The following SSBP2 variants were observed in gnomAD, a reference collection of about 807,000 sequenced individuals.
SSBP2 encodes the protein single stranded DNA binding protein 2.
Under a neutral mutation model 61.8 loss-of-function variants are expected in SSBP2, and 17 were observed. The ratio of observed to expected loss-of-function variants is 0.28; its 90% CI spans 0.19 to 0.41. The LOEUF (loss-of-function observed/expected upper bound fraction) is 0.41. SSBP2 is among the 10% of genes least tolerant of loss of function. The probability of loss-of-function intolerance (pLI) is 1.00; values close to 1 mark genes in which losing one functional copy is unlikely to be tolerated. For missense variants in SSBP2, 310 were observed against 458.7 expected, an observed-to-expected ratio of 0.68 and a Z score of 2.96; for synonymous variants, 139 against 141.3, an observed-to-expected ratio of 0.98 and a Z score of 0.12.
intron 11 of SSBP2, among the ~76,000 whole-genome samples, chr5:81,448,546 T>G (rs1014358356): frequency 2.0e-5 from 3 of 152,194 alleles, no homozygotes; most frequent in Non-Finnish European, 2.9e-5. Flanking sequence ...CAGAGTGTAT[T>G]GTACTGGTTT....
chr5:81,562,746 T>C (rs1773146081), intron 4 of SSBP2, among the ~76,000 whole-genome samples: 2 of 152,170 alleles, frequency 1.3e-5, no homozygotes, highest in African/African-American at 4.8e-5. Context: ...TTTCCATATA[T>C]GGGCAACGAA....
intron 4 of SSBP2, among the ~76,000 whole-genome samples, chr5:81,612,704 C>T (rs892350851): frequency 2.0e-5 from 3 of 151,922 alleles, no homozygotes; most frequent in Admixed American, 6.6e-5. Flanking sequence ...ACGCTAAAAA[C>T]GCAGCTACTG....
intron 1 of SSBP2, among the ~76,000 whole-genome samples, chr5:81,728,698 A>G (rs424762): frequency 0.35 from 53,518 of 152,130 alleles, 11,598 homozygotes; most frequent in Admixed American, 0.48. Context: ...CAGATTTTGT[A>G]ATAAATTCTG....
intron 3 of SSBP2, among the ~76,000 whole-genome samples, chr5:81,622,206 G>A (rs939755093): frequency 1.3e-5 from 2 of 151,662 alleles, no homozygotes; most frequent in African/African-American, 2.4e-5. Context: ...GACTGGGGGG[G>A]AAAAATTATG....
chr5:81,743,500 A>G (rs1757165169), intron 1 of SSBP2, among the ~76,000 whole-genome samples: 1 of 152,186 alleles, frequency 6.6e-6, no homozygotes, highest in Admixed American at 6.5e-5. Flanking sequence ...TTATTATTAT[A>G]TATTTCTCCT....
At chr5:81,613,587 G>A (rs1453594476) in intron 4 of SSBP2, among the ~76,000 whole-genome samples, 3 of 152,140 alleles carry the variant, frequency 2.0e-5, no homozygotes, top group African/African-American at 7.2e-5. Context: ...TCTACAGAAT[G>A]CAATTTTGGA....
intron 1 of SSBP2, among the ~76,000 whole-genome samples, chr5:81,730,434 A>C (rs947856247): frequency 1.3e-5 from 2 of 152,208 alleles, no homozygotes; most frequent in Non-Finnish European, 2.9e-5. Context: ...CATGTTGGCC[A>C]GGCTGGTCTC....
rs549634685 is a variant in SSBP2, at chr5:81,432,795, G to A, written c.958-4112C>T. ...CCCCGCCCGGCCAGCTGCCCCGTCC[G>A]GGAGGGAGGTGGGGGAGTCAGCCCC... On this transcript the variant is annotated intron_variant, in intron 15 of 16. Coordinates refer to ENST00000320672, the MANE Select transcript of SSBP2 (RefSeq NM_012446.5). Among the ~76,000 whole-genome samples the A allele has an allele frequency of 6.4e-4, 80 of 124,196 alleles. No homozygotes were observed. The East Asian group carries it at 0.013, about 20-fold the overall frequency. 81.5% of individuals were successfully genotyped at this position (124,196 alleles called of 152,430 possible).
In SSBP2 at chr5:81,460,175, C is replaced by T. The variant is rs1764440113; in HGVS notation, c.687+880G>A. 1.3e-5 allele frequency among the ~76,000 whole-genome samples: 2 copies of T among 152,178 alleles called. 1 individual carries two copies. Among genetic ancestry groups the T allele is most frequent in the South Asian group, 4.1e-4 (2 of 4,832 alleles). On this transcript the variant is annotated intron_variant, in intron 10 of 16. Transcript: ENST00000320672. ...TATTCATTTAACATTAAGGCCACTG[C>T]TAGCCAATGAAGATACCTTTGTACA...
intron 4 of SSBP2, among the ~76,000 whole-genome samples, chr5:81,538,875 T>TC: frequency 6.6e-6 from 1 of 152,222 alleles, no homozygotes; most frequent in East Asian, 1.9e-4. Context: ...ATGCATCTAG[T>TC]CACCCAAGAG....
chr5:81,662,166 A>G (rs908731445), intron 1 of SSBP2, among the ~76,000 whole-genome samples: 8 of 152,184 alleles, frequency 5.3e-5, no homozygotes, highest in African/African-American at 1.9e-4. Flanking sequence ...ATATCACCAA[A>G]TAAAATTATT....
intron 10 of SSBP2, among the ~76,000 whole-genome samples, chr5:81,455,377 T>C (rs868673272): frequency 3.7e-5 from 2 of 53,462 alleles, no homozygotes; most frequent in African/African-American, 6.9e-4. Flanking sequence ...CCCAGCACTT[T>C]GGGAGGCCGA....
intron 4 of SSBP2, among the ~76,000 whole-genome samples, chr5:81,528,313 T>C: frequency 6.6e-6 from 1 of 152,094 alleles, no homozygotes; most frequent in Non-Finnish European, 1.5e-5. Flanking sequence ...TTATGTCAAG[T>C]AAGTGTATCA....
intron 4 of SSBP2, among the ~76,000 whole-genome samples, chr5:81,592,821 C>T (rs1277572062): frequency 6.6e-6 from 1 of 152,138 alleles, no homozygotes; most frequent in East Asian, 1.9e-4. Context: ...AAAGGACATC[C>T]ACACCAAAGA....
At position 81,571,480 on chromosome 5, in the gene SSBP2, C is replaced by T. The variant is rs537321800; in HGVS notation, c.282+43993G>A. On this transcript the variant is annotated intron_variant, in intron 4 of 16. Coordinates refer to ENST00000320672, the MANE Select transcript of SSBP2 (RefSeq NM_012446.5). ...ATTACCATGGAACTATTCCTTCTTA[C>T]AGTACTGTGTAGTACAATATGTTCA... 3.3e-5 allele frequency among the ~76,000 whole-genome samples: 5 copies of T among 152,278 alleles called. No individual in the cohort carries two copies. In the South Asian group the frequency reaches 1.0e-3, roughly 32 times the overall value.
chr5:81,594,123 C>T (rs1324006161), intron 4 of SSBP2, among the ~76,000 whole-genome samples: 4 of 151,956 alleles, frequency 2.6e-5, no homozygotes, highest in African/African-American at 7.3e-5. Flanking sequence ...CACACACTGG[C>T]TCAAAATAAA....
Position 81,636,571 on chromosome 5 carries a change from T to C in SSBP2, c.183A>G (p.Leu61=), listed in dbSNP as rs200596663. Residue 61 remains leucine (L), a synonymous_variant, in exon 3 of 17, where the codon TTA becomes TTG. Transcript: ENST00000320672. ...AGGATACTTACCACCACCAAGAATG[T>C]AAGAATCCTGGTGGTTCCCCCAATG... 3.1e-4 allele frequency: 506 copies of C among 1,611,612 alleles called. No homozygotes were observed. Among genetic ancestry groups the C allele is most frequent in the Non-Finnish European group, 4.2e-4 (495 of 1,178,696 alleles).
intron 1 of SSBP2, among the ~76,000 whole-genome samples, chr5:81,671,749 T>C (rs886388260): frequency 6.6e-6 from 1 of 152,070 alleles, no homozygotes; most frequent in Non-Finnish European, 1.5e-5. Context: ...ACAAGACATA[T>C]AATTAAAATT....
chr5:81,687,589 C>T (rs1379310773), intron 1 of SSBP2, among the ~76,000 whole-genome samples: 1 of 152,172 alleles, frequency 6.6e-6, no homozygotes, highest in Non-Finnish European at 1.5e-5. Flanking sequence ...ATAGGAGATA[C>T]TCCTTCCTTC....
Sources: gnomAD v4.1 joint callset for allele counts (sites outside exome capture counted in the v4.1 genomes callset) on GRCh38, gnomAD v4.1.1 for gene constraint, MANE v1.5 for transcripts, NCBI Gene and HGNC (gene_info 2026-07-23, HGNC 2026-07-21) for gene names.